MYCT1: variants seen among roughly 807,000 people sequenced by gnomAD.
The protein encoded by MYCT1 is myc target protein 1.
MYCT1 carries 12 observed loss-of-function variants against 15.0 expected under a neutral mutation model. The observed-to-expected ratio is 0.80, with a 90% CI of 0.51 to 1.29. The LOEUF is 1.29. MYCT1 is among the 50% of genes most tolerant of loss of function. The pLI is 0.00. For missense variants in MYCT1, 287 were observed against 279.1 expected (o/e 1.03, Z -0.20); for synonymous variants, 104 against 102.7 (o/e 1.01, Z -0.07).
chr6:152,743,767 A>G, the MYCT1 span, among the ~76,000 whole-genome samples: 1 of 152,246 alleles, frequency 6.6e-6, no homozygotes, highest in Non-Finnish European at 1.5e-5. Flanking sequence ...TTCTCAAAAC[A>G]AAGTGACAGG....
intron 1 of MYCT1, among the ~76,000 whole-genome samples, chr6:152,700,692 G>A (rs2099721150): frequency 6.6e-6 from 1 of 152,092 alleles, no homozygotes; most frequent in Non-Finnish European, 1.5e-5. Context: ...CAGGAAACAT[G>A]GCCCGTGAAA....
At chr6:152,745,467 G>A in the MYCT1 span, among the ~76,000 whole-genome samples, 1 of 151,742 alleles carries the variant, frequency 6.6e-6, no homozygotes, top group Non-Finnish European at 1.5e-5. Flanking sequence ...CAAGTCTAGG[G>A]GAAAAAAAGT....
the MYCT1 span, among the ~76,000 whole-genome samples, chr6:152,743,189 C>T: frequency 6.6e-6 from 1 of 152,058 alleles, no homozygotes; most frequent in Admixed American, 6.5e-5. Context: ...CCTCAGCCTC[C>T]CATGTAGCTG....
At chr6:152,738,047 T>G in the MYCT1 span, among the ~76,000 whole-genome samples, 1 of 152,066 alleles carries the variant, frequency 6.6e-6, no homozygotes, top group African/African-American at 2.4e-5. Context: ...ATATCTTTAT[T>G]TGTAACAGAA....
At chr6:152,740,604 T>A in the MYCT1 span, among the ~76,000 whole-genome samples, 1 of 152,296 alleles carries the variant, frequency 6.6e-6, no homozygotes, top group South Asian at 2.1e-4. Context: ...CTGACGTAAA[T>A]GCATAATTAG....
chr6:152,698,013 TTTTC>T lies in MYCT1; in HGVS notation c.114_117del (p.Leu39SerfsTer17). The T allele has an allele frequency of 6.2e-7, 1 of 1,611,166 alleles. No individual in the cohort carries two copies. On this transcript the variant is annotated frameshift_variant, in exon 1 of 2. Coordinates refer to ENST00000367245, the MANE Select transcript of MYCT1 (RefSeq NM_025107.3). LOFTEE classifies it high-confidence loss of function. ...TCGACATACTGGTTTTTCTTTCTGT[TTTTC>T]TTCTCTTTCTTCTATTTCTTGTGGA... is the stretch of plus-strand genomic sequence containing the variant.
rs1283411837 is a variant in MYCT1, at chr6:152,721,791, T to G, written c.246T>G (p.Leu82=). The G allele has an allele frequency of 2.5e-6, 4 of 1,613,992 alleles. No individual in the cohort carries two copies. The highest frequency in any genetic ancestry group is 3.4e-6 in the Non-Finnish European group (4 of 1,180,022). The change falls in exon 2 of 2, where the codon CTT becomes CTG. Residue 82 remains leucine, a synonymous_variant. Coordinates refer to ENST00000367245, the MANE Select transcript of MYCT1 (RefSeq NM_025107.3). ...FTVSMAIGLV[L]GGFIWAVFIC... ...TATCCATGGCAATCGGGCTGGTACTTGGAGGATTTATTTGGGCTGTGTTCA... is the reference window on the plus strand; with the variant it reads ...TATCCATGGCAATCGGGCTGGTACTGGGAGGATTTATTTGGGCTGTGTTCA...
chr6:152,726,962 G>C (rs906045786), downstream of MYCT1, among the ~76,000 whole-genome samples: 1 of 152,058 alleles, frequency 6.6e-6, no homozygotes, highest in African/African-American at 2.4e-5. Context: ...GGCCGGGCGC[G>C]GTGGCTCATG....
the MYCT1 span, among the ~76,000 whole-genome samples, chr6:152,734,718 G>C: frequency 6.6e-6 from 1 of 151,866 alleles, no homozygotes; most frequent in African/African-American, 2.4e-5. Context: ...CCACCCCAAG[G>C]TATTTGCATA....
chr6:152,725,867 A>C (rs908772689), downstream of MYCT1, among the ~76,000 whole-genome samples: 2 of 152,160 alleles, frequency 1.3e-5, no homozygotes, highest in Admixed American at 6.5e-5. Flanking sequence ...ATTCCGTATC[A>C]GATGTGAGTA....
At chr6:152,742,606 G>GA in the MYCT1 span, among the ~76,000 whole-genome samples, 11 of 152,102 alleles carry the variant, frequency 7.2e-5, no homozygotes, top group Admixed American at 6.6e-4. Flanking sequence ...GAGCTTGGAA[G>GA]AAAAAAGGTT....
intron 1 of MYCT1, among the ~76,000 whole-genome samples, chr6:152,714,140 G>A (rs2099723210): frequency 6.6e-6 from 1 of 151,790 alleles, no homozygotes; most frequent in African/African-American, 2.4e-5. Flanking sequence ...TGATATTGGT[G>A]ATTTTCTCTT....
Position 152,716,239 on chromosome 6 carries a change from G to A in MYCT1, c.197-5503G>A, listed in dbSNP as rs73631771. On this transcript the variant is annotated intron_variant, in intron 1 of 1. Coordinates refer to ENST00000367245, the MANE Select transcript of MYCT1 (RefSeq NM_025107.3). The stretch of plus-strand genomic sequence containing the variant: ...TGAGATATAATGGAAAATACTCCTC[G>A]GCTGTTTAAATTATTATAATCAATC... 1.6e-3 allele frequency among the ~76,000 whole-genome samples: 238 copies of A among 152,104 alleles called. 1 individual carries two copies. Among genetic ancestry groups the A allele is most frequent in the African/African-American group, 4.2e-3 (174 of 41,502 alleles).
At chr6:152,737,502 T>C in the MYCT1 span, among the ~76,000 whole-genome samples, 3 of 152,092 alleles carry the variant, frequency 2.0e-5, no homozygotes, top group African/African-American at 7.2e-5. Flanking sequence ...GCAAGGGCAG[T>C]GCAGCTCCAG....
At chr6:152,717,617 G>A in intron 1 of MYCT1, among the ~76,000 whole-genome samples, 1 of 152,034 alleles carries the variant, frequency 6.6e-6, no homozygotes, top group East Asian at 1.9e-4. Flanking sequence ...GCAAGATGTG[G>A]CTTGCTCCTG....
At chr6:152,701,981 C>G (rs1017990952) in intron 1 of MYCT1, among the ~76,000 whole-genome samples, 1 of 152,160 alleles carries the variant, frequency 6.6e-6, no homozygotes, top group African/African-American at 2.4e-5. Flanking sequence ...ACCTCACTTC[C>G]TTATCTGCCC....
chr6:152,726,500 T>C (rs145590754), downstream of MYCT1, among the ~76,000 whole-genome samples: 119 of 152,112 alleles, frequency 7.8e-4, 1 homozygote, highest in East Asian at 0.021. Flanking sequence ...CCATGCCTCA[T>C]GGGGCCCCAC....
chr6:152,742,889 G>A, the MYCT1 span, among the ~76,000 whole-genome samples: 1 of 152,166 alleles, frequency 6.6e-6, no homozygotes, highest in Admixed American at 6.5e-5. Flanking sequence ...CTGCAAAAGT[G>A]TTTCTCATTT....
In MYCT1 at chr6:152,722,891, A is replaced by G; in HGVS notation, c.*638A>G. The G allele has an allele frequency of 5.3e-6, 1 of 188,794 alleles. No individual in the cohort carries two copies. The highest frequency in any genetic ancestry group is 1.1e-5 in the Non-Finnish European group (1 of 89,380). 11.7% of individuals were successfully genotyped at this position (188,794 alleles called of 1,614,324 possible). A position where few individuals can be genotyped will look rare whatever the true frequency, so the allele number is the denominator to read the frequency against. ...GTAGCTGGGACTACAGGGGTGCACT[A>G]CCACACCGGGTTGAATTTTTTTTTA... is the stretch of plus-strand genomic sequence containing the variant. On this transcript the variant is annotated 3_prime_UTR_variant, in exon 2 of 2. Transcript: ENST00000367245.
Sources: allele counts gnomAD v4.1 joint callset (sites outside exome capture counted in the v4.1 genomes callset), GRCh38; gene constraint gnomAD v4.1.1; transcripts MANE v1.5; gene names NCBI Gene and HGNC (gene_info 2026-07-23, HGNC 2026-07-21).